The following SLC30A8 variants were observed in gnomAD, a reference collection of about 807,000 sequenced individuals.
SLC30A8 encodes the protein proton-coupled zinc antiporter SLC30A8.
Under a neutral mutation model 36.9 loss-of-function variants are expected in SLC30A8, and 27 were observed. The ratio of observed to expected loss-of-function variants is 0.73; its 90% CI spans 0.54 to 1.01. The LOEUF (loss-of-function observed/expected upper bound fraction) is 1.01. SLC30A8 is among the 50% of genes least tolerant of loss of function. The pLI, the probability that SLC30A8 is intolerant of heterozygous loss-of-function variation, is 0.00. For synonymous variants in SLC30A8, 164 were observed against 172.4 expected, an observed-to-expected ratio of 0.95 and a Z score of 0.38; for missense variants, 439 against 452.0, an observed-to-expected ratio of 0.97 and a Z score of 0.26.
At chr8:117,166,200 A>G (rs908771898) in intron 6 of SLC30A8, among the ~76,000 whole-genome samples, 2 of 152,200 alleles carry the variant, frequency 1.3e-5, no homozygotes, top group African/African-American at 4.8e-5. Flanking sequence ...TCTGATCACT[A>G]TGAATTATCT....
chr8:117,119,630 A>G (rs2130897384), intron 2 of SLC30A8, among the ~76,000 whole-genome samples: 1 of 152,050 alleles, frequency 6.6e-6, no homozygotes, highest in South Asian at 2.1e-4. Flanking sequence ...ATTAAGTTTA[A>G]GTTTTATTCT....
chr8:116,981,224 T>C (rs1005982081), intron 1 of SLC30A8, among the ~76,000 whole-genome samples: 1 of 152,164 alleles, frequency 6.6e-6, no homozygotes, highest in Non-Finnish European at 1.5e-5. Context: ...ATGGTGACTT[T>C]GTGGTAGCTG....
At chr8:117,053,908 A>C (rs952014023) in intron 2 of SLC30A8, among the ~76,000 whole-genome samples, 2 of 152,274 alleles carry the variant, frequency 1.3e-5, no homozygotes, top group East Asian at 3.9e-4. Context: ...GAGAGGAAGG[A>C]GGTATTTCAG....
chr8:117,095,234 G>T (rs1446177459), intron 2 of SLC30A8, among the ~76,000 whole-genome samples: 2 of 152,212 alleles, frequency 1.3e-5, no homozygotes, highest in Non-Finnish European at 1.5e-5. Context: ...AGCAGCAGCT[G>T]CTCTAGATGG....
At chr8:116,979,714 C>A (rs1422053208) in intron 1 of SLC30A8, among the ~76,000 whole-genome samples, 4 of 152,090 alleles carry the variant, frequency 2.6e-5, no homozygotes, top group African/African-American at 9.7e-5. Flanking sequence ...TCACTTGTCC[C>A]GGGAGAGGTG....
rs1554592231 is a variant in SLC30A8, at chr8:117,160,434, T to TGC, written c.573-1299_573-1298dup. On this transcript the variant is annotated intron_variant, in intron 4 of 7. Transcript: ENST00000456015. ...GTGTGTGTGTGTGTGTGTGTGTGTG[T>TGC]GCGCGCACATGTGCGCGCGGTGGGG... Among the ~76,000 whole-genome samples, 468 of 146,234 alleles carry TGC rather than the reference T, an allele frequency of 3.2e-3. 3 individuals carry two copies. Among genetic ancestry groups the TGC allele is most frequent in the African/African-American group, 6.9e-3 (252 of 36,670 alleles).
chr8:117,077,767 C>G (rs538299565), intron 2 of SLC30A8, among the ~76,000 whole-genome samples: 1 of 152,290 alleles, frequency 6.6e-6, no homozygotes, highest in South Asian at 2.1e-4. Context: ...GTGGATCACT[C>G]TTTTTAACCA....
chr8:117,117,436 A>T (rs1820490663), intron 2 of SLC30A8, among the ~76,000 whole-genome samples: 1 of 152,028 alleles, frequency 6.6e-6, no homozygotes, highest in Admixed American at 6.6e-5. Context: ...TTTATTAATT[A>T]CTAAACTCAT....
chr8:117,123,114 G>A (rs989992197), intron 2 of SLC30A8, among the ~76,000 whole-genome samples: 7 of 151,880 alleles, frequency 4.6e-5, no homozygotes, highest in African/African-American at 1.7e-4. Context: ...ACCTTAGAGG[G>A]CAGACCTCAG....
intron 2 of SLC30A8, among the ~76,000 whole-genome samples, chr8:117,051,528 C>T (rs369075822): frequency 6.0e-4 from 92 of 152,210 alleles, no homozygotes; most frequent in African/African-American, 2.0e-3. Context: ...TTAAAAGAGC[C>T]TGGGGCTGGG....
At chr8:117,107,107 A>G (rs1422148486) in intron 2 of SLC30A8, among the ~76,000 whole-genome samples, 4 of 152,138 alleles carry the variant, frequency 2.6e-5, no homozygotes, top group Non-Finnish European at 5.9e-5. Context: ...ATTTTCTTAT[A>G]CTAGTGAACT....
intron 1 of SLC30A8, among the ~76,000 whole-genome samples, chr8:117,037,940 A>G (rs1817267479): frequency 6.6e-6 from 1 of 152,206 alleles, no homozygotes; most frequent in Non-Finnish European, 1.5e-5. Flanking sequence ...CCTTTTGGGG[A>G]AGTAGCTCCT....
chr8:117,131,214 TTAAAA>T (rs1455674000), upstream of SLC30A8, among the ~76,000 whole-genome samples: 4 of 152,064 alleles, frequency 2.6e-5, no homozygotes, highest in Non-Finnish European at 4.4e-5. Context: ...TTACTTTAGA[TTAAAA>T]TAAAATTTTC....
At chr8:117,140,060 A>G (rs1253890226) in intron 1 of SLC30A8, among the ~76,000 whole-genome samples, 3 of 152,060 alleles carry the variant, frequency 2.0e-5, no homozygotes, top group Non-Finnish European at 4.4e-5. Context: ...AAAGAACCAG[A>G]TGAAAATTCT....
intron 1 of SLC30A8, among the ~76,000 whole-genome samples, chr8:117,143,501 T>G (rs1173670875): frequency 6.6e-6 from 1 of 152,164 alleles, no homozygotes; most frequent in African/African-American, 2.4e-5. Flanking sequence ...AAAATTCACA[T>G]CATTGTTCTG....
Position 117,065,564 on chromosome 8 carries a change from G to A in SLC30A8, c.-226+26306G>A, listed in dbSNP as rs150801489. ...TCAAATTGCTCTGGCCTGGTCACCT[G>A]TTGTATCATCTGCTCTTCCCTAACC... On this transcript the variant is annotated intron_variant, in intron 2 of 10. Transcript: ENST00000427715. Among the ~76,000 whole-genome samples the A allele has an allele frequency of 7.2e-4, 110 of 152,154 alleles. 1 individual carries two copies. Among genetic ancestry groups the A allele is most frequent in the African/African-American group, 2.4e-3 (98 of 41,512 alleles).
chr8:117,071,909 A>G (rs11997173), intron 2 of SLC30A8, among the ~76,000 whole-genome samples: 48,628 of 150,382 alleles, frequency 0.32, 8,515 homozygotes, highest in African/African-American at 0.47. Flanking sequence ...GCCTTGTTTT[A>G]TTCTGTTCAT....
chr8:117,082,322 T>C (rs1469362810), intron 2 of SLC30A8, among the ~76,000 whole-genome samples: 3 of 152,070 alleles, frequency 2.0e-5, no homozygotes, highest in Non-Finnish European at 4.4e-5. Flanking sequence ...AAGTAATGTG[T>C]ATATACAGAG....
At chr8:117,123,760 T>C (rs1267112874) in intron 2 of SLC30A8, among the ~76,000 whole-genome samples, 5 of 152,058 alleles carry the variant, frequency 3.3e-5, no homozygotes, top group Non-Finnish European at 7.4e-5. Context: ...TCATTCTTAA[T>C]GTACTTCACA....
Sources: allele counts gnomAD v4.1 joint callset (sites outside exome capture counted in the v4.1 genomes callset), GRCh38; gene constraint gnomAD v4.1.1; transcripts MANE v1.5; gene names NCBI Gene and HGNC (gene_info 2026-07-23, HGNC 2026-07-21).